HIVEP1: variants seen among roughly 807,000 people sequenced by gnomAD.
HIVEP1 encodes the protein HIVEP zinc finger 1.
A neutral mutation model predicts 180.0 loss-of-function variants in HIVEP1; 36 were observed. The ratio of observed to expected loss-of-function variants is 0.20; its 90% CI spans 0.15 to 0.26. The LOEUF is 0.26. Among genes scored for constraint, HIVEP1 ranks in the 10% least tolerant of loss-of-function variants. HIVEP1 has a pLI of 1.00. For missense variants in HIVEP1, 3,143 were observed against 3,268.7 expected (o/e 0.96, Z 0.94); for synonymous variants, 1,239 against 1,239.0 (o/e 1.00, Z 0.00).
intron 2 of HIVEP1, among the ~76,000 whole-genome samples, chr6:12,046,044 A>G (rs1770095613): frequency 6.6e-6 from 1 of 152,240 alleles, no homozygotes; most frequent in African/African-American, 2.4e-5. Flanking sequence ...GATGAGATTC[A>G]TGTAATTTAA....
intron 3 of HIVEP1, among the ~76,000 whole-genome samples, chr6:12,103,838 A>AT (rs1357337763): frequency 1.3e-5 from 2 of 152,120 alleles, no homozygotes; most frequent in African/African-American, 4.8e-5. Context: ...TATTCTCATA[A>AT]TTTTAAAGAG....
intron 3 of HIVEP1, among the ~76,000 whole-genome samples, chr6:12,119,067 A>G (rs1473179059): frequency 6.6e-6 from 1 of 152,266 alleles, no homozygotes; most frequent in African/African-American, 2.4e-5. Flanking sequence ...TTGTCTGCAC[A>G]CAATGAAAAG....
chr6:12,031,982 T>C (rs1259832616), intron 2 of HIVEP1, among the ~76,000 whole-genome samples: 2 of 152,166 alleles, frequency 1.3e-5, no homozygotes, highest in Non-Finnish European at 2.9e-5. Context: ...GGCCTCTTAC[T>C]TAAGACTGCA....
At chr6:12,162,431 C>T (rs1222793380) in intron 8 of HIVEP1, among the ~76,000 whole-genome samples, 1 of 152,188 alleles carries the variant, frequency 6.6e-6, no homozygotes, top group Non-Finnish European at 1.5e-5. Flanking sequence ...TCAAGAAGTT[C>T]ACTTTGCTTG....
At chr6:12,166,190 T>C (rs1456016342), downstream of HIVEP1, among the ~76,000 whole-genome samples, 1 of 152,234 alleles carries the variant, frequency 6.6e-6, no homozygotes. Flanking sequence ...AACTGTGTCA[T>C]GAACTTTTTA....
chr6:12,172,077 G>A, the HIVEP1 span, among the ~76,000 whole-genome samples: 2 of 152,156 alleles, frequency 1.3e-5, no homozygotes, highest in Non-Finnish European at 2.9e-5. Flanking sequence ...TCCATCATCT[G>A]GGAGAAGGAC....
rs1032703710 is a variant in HIVEP1, at chr6:12,123,081, G to A, written c.3286G>A (p.Val1096Ile). 6.2e-7 allele frequency: 1 copy of A among 1,614,170 alleles called. No homozygotes were observed. Among genetic ancestry groups the A allele is most frequent in the Non-Finnish European group, 8.5e-7 (1 of 1,180,026 alleles). ...GTTGCAAAACTCCCATATTCACCTT[G>A]TTGCCAGGGGCCCTGAGCAGACCAT... Reference protein sequence around the residue: ...IQLQNSHIHLVARGPEQTMDP... With the variant: ...IQLQNSHIHLIARGPEQTMDP... Residue 1096 changes from valine to isoleucine, a missense_variant, in exon 4 of 9, where the codon GTT (valine) becomes ATT (isoleucine). By Grantham distance (29) the Val-to-Ile change is conservative. Around this residue, in one of 12 missense-constraint regions of HIVEP1, gnomAD observed 1,357 missense variants for 1,260.5 expected, o/e 1.08. Coordinates refer to ENST00000379388, the MANE Select transcript of HIVEP1 (RefSeq NM_002114.4).
intron 5 of HIVEP1, 145 bp from the exon 6 acceptor site, chr6:12,130,622 A>C (rs1051808158): frequency 5.9e-6 from 3 of 507,878 alleles, no homozygotes; most frequent in Non-Finnish European, 1.1e-5. Context: ...AAAAGCTGGA[A>C]TATTCTGTTA....
downstream of HIVEP1, among the ~76,000 whole-genome samples, chr6:12,168,225 T>TACATAGATA (rs371343189): frequency 8.8e-3 from 878 of 100,072 alleles, 26 homozygotes; most frequent in African/African-American, 0.034. Context: ...TATACATATA[T>TACATAGATA]TATATACATA....
chr6:12,074,957 A>T (rs961357347), intron 2 of HIVEP1, among the ~76,000 whole-genome samples: 6 of 152,194 alleles, frequency 3.9e-5, no homozygotes, highest in African/African-American at 9.7e-5. Flanking sequence ...TAGTTGAAAT[A>T]CTTTCTTCTT....
the HIVEP1 span, among the ~76,000 whole-genome samples, chr6:12,184,227 T>A: frequency 6.6e-6 from 1 of 152,202 alleles, no homozygotes; most frequent in Non-Finnish European, 1.5e-5. Context: ...TGATTTTTGA[T>A]CTCTCAAAGC....
intron 3 of HIVEP1, among the ~76,000 whole-genome samples, chr6:12,113,908 G>C (rs544558774): frequency 6.6e-6 from 1 of 152,272 alleles, no homozygotes; most frequent in Admixed American, 6.5e-5. Context: ...GTAGCTTCTT[G>C]AGTATACCTG....
chr6:12,044,149 C>T (rs1265492669), intron 2 of HIVEP1, among the ~76,000 whole-genome samples: 11 of 152,062 alleles, frequency 7.2e-5, no homozygotes, highest in Non-Finnish European at 1.2e-4. Flanking sequence ...AATGGCACGG[C>T]GCAAATGGGT....
At position 12,124,481 on chromosome 6, in the gene HIVEP1, G is replaced by A; in HGVS notation, c.4686G>A (p.Leu1562=). The change falls in exon 4 of 9, where the codon TTG becomes TTA. Residue 1562 remains leucine, a synonymous_variant. Transcript: ENST00000379388. ...SEDCFAPKYQ[L]HCQVFTSGPS... ...ATTGCTTTGCTCCCAAATACCAATTGCATTGTCAGGTTTTCACTTCAGGCC... is the reference window on the plus strand; with the variant it reads ...ATTGCTTTGCTCCCAAATACCAATTACATTGTCAGGTTTTCACTTCAGGCC... 7 of 1,614,146 alleles carry A rather than the reference G, an allele frequency of 4.3e-6. No homozygotes were observed. The highest frequency in any genetic ancestry group is 5.9e-6 in the Non-Finnish European group (7 of 1,180,026).
intron 6 of HIVEP1, among the ~76,000 whole-genome samples, chr6:12,132,310 G>A (rs1213830741): frequency 6.6e-6 from 1 of 152,032 alleles, no homozygotes; most frequent in African/African-American, 2.4e-5. Flanking sequence ...CTTCCTTTAT[G>A]AGACAAGAAG....
At chr6:12,089,539 TA>T (rs1376923085) in intron 3 of HIVEP1, among the ~76,000 whole-genome samples, 5 of 151,990 alleles carry the variant, frequency 3.3e-5, no homozygotes, top group African/African-American at 1.2e-4. Flanking sequence ...AGTACCAATA[TA>T]AGGAACACAG....
intron 2 of HIVEP1, among the ~76,000 whole-genome samples, chr6:12,030,727 T>C (rs1349622690): frequency 2.0e-5 from 3 of 152,242 alleles, no homozygotes; most frequent in Non-Finnish European, 4.4e-5. Context: ...TTTGAACATA[T>C]AATAGCTACT....
At chr6:12,067,513 G>A (rs1309743751) in intron 2 of HIVEP1, among the ~76,000 whole-genome samples, 1 of 151,790 alleles carries the variant, frequency 6.6e-6, no homozygotes, top group Admixed American at 6.6e-5. Flanking sequence ...TTTTTTTAAG[G>A]TATATTTTTC....
In HIVEP1 at chr6:12,106,201, A is replaced by C. The variant is rs142716107; in HGVS notation, c.95-13689A>C. On this transcript the variant is annotated intron_variant, in intron 3 of 8. Transcript: ENST00000379388. ...CTTTTCCATGAAGCTGTCTTTACAT[A>C]ATTTTCTTTCAGCATTTTATTGTTC... Among the ~76,000 whole-genome samples, 74 of 152,102 alleles carry C rather than the reference A, an allele frequency of 4.9e-4. No individual in the cohort carries two copies. In the East Asian group the frequency reaches 0.014, roughly 28 times the overall value.
Sources: gnomAD v4.1 joint callset for allele counts (sites outside exome capture counted in the v4.1 genomes callset) on GRCh38, gnomAD v4.1.1 for gene constraint, gnomAD v4.1.1 regional missense constraint, MANE v1.5 for transcripts, NCBI Gene and HGNC (gene_info 2026-07-23, HGNC 2026-07-21) for gene names.